The following OSBPL5 variants were observed in gnomAD, a reference collection of about 807,000 sequenced individuals.
OSBPL5 encodes the protein oxysterol-binding protein-related protein 5.
OSBPL5 carries 71 observed loss-of-function variants against 111.2 expected under a neutral mutation model. That is an observed-to-expected ratio of 0.64 (90% confidence interval 0.53 to 0.78). The LOEUF (loss-of-function observed/expected upper bound fraction) is 0.78. OSBPL5 is among the 30% of genes least tolerant of loss of function. The pLI is 0.00. For missense variants in OSBPL5, 1,210 were observed against 1,189.3 expected, an observed-to-expected ratio of 1.02 and a Z score of -0.26; for synonymous variants, 549 against 513.9, an observed-to-expected ratio of 1.07 and a Z score of -0.93.
intron 14 of OSBPL5, among the ~76,000 whole-genome samples, chr11:3,095,687 A>T (rs542948671): frequency 1.8e-4 from 28 of 152,298 alleles, no homozygotes; most frequent in Non-Finnish European, 3.1e-4. Flanking sequence ...AGGGGAAAAA[A>T]ATCATTATTT....
rs1013463129 is a variant in OSBPL5, at chr11:3,142,187, G to A, written c.-21-13018C>T. Among the ~76,000 whole-genome samples, 24 of 152,330 alleles carry A rather than the reference G, an allele frequency of 1.6e-4. No homozygotes were observed. Among genetic ancestry groups the A allele is most frequent in the Middle Eastern group, 3.4e-3 (1 of 294 alleles). On this transcript the variant is annotated intron_variant, in intron 1 of 21. Coordinates refer to ENST00000263650, the MANE Select transcript of OSBPL5 (RefSeq NM_020896.4). The surrounding 1 kb of genome is among the most constrained non-coding windows in gnomAD (Gnocchi z 7.1). ...GCCCTCCTCGGCGTCCCAAAGTGCT[G>A]GGATTACAGGCGTGAGCCACCGTGC... is the stretch of plus-strand genomic sequence containing the variant.
chr11:3,136,029 C>T (rs1221462096), intron 1 of OSBPL5, among the ~76,000 whole-genome samples: 1 of 152,222 alleles, frequency 6.6e-6, no homozygotes, highest in Non-Finnish European at 1.5e-5. Flanking sequence ...GACAAGAGGT[C>T]CCATGTGGTG....
chr11:3,100,634 T>C (rs1005393183), intron 13 of OSBPL5, among the ~76,000 whole-genome samples: 1 of 152,150 alleles, frequency 6.6e-6, no homozygotes, highest in Non-Finnish European at 1.5e-5. Flanking sequence ...CAGGTACTGC[T>C]GGTGAGGAGA....
rs1465811052 is a variant in OSBPL5 at position 3,140,929 on chromosome 11, ACC to A, written c.-21-11762_-21-11761del. Reference sequence around the variant, plus strand: ...CAGGGGGCCCTGGGGCCAGGTGACCACCTCAGAGCCACTCCTTCCCCGATGCC... The same window carrying A: ...CAGGGGGCCCTGGGGCCAGGTGACCATCAGAGCCACTCCTTCCCCGATGCC... On this transcript the variant is annotated intron_variant, in intron 1 of 21. Transcript: ENST00000263650. This position sits in a 1 kb window ranked among gnomAD's most constrained non-coding sequence, Gnocchi z 4.5. Among the ~76,000 whole-genome samples, 1 of 150,646 alleles carries A rather than the reference ACC, an allele frequency of 6.6e-6. No individual in the cohort carries two copies. Among genetic ancestry groups the A allele is most frequent in the Non-Finnish European group, 1.5e-5 (1 of 67,650 alleles).
At chr11:3,128,435 T>C (rs1858710976) in intron 2 of OSBPL5, among the ~76,000 whole-genome samples, 2 of 152,194 alleles carry the variant, frequency 1.3e-5, no homozygotes, top group African/African-American at 4.8e-5. Context: ...GGGCAGGGGT[T>C]GTGCATAGTT....
intron 1 of OSBPL5, among the ~76,000 whole-genome samples, chr11:3,148,895 G>T (rs1360474659): frequency 6.6e-6 from 1 of 152,212 alleles, no homozygotes; most frequent in Non-Finnish European, 1.5e-5. Flanking sequence ...TAAGATAAGG[G>T]GATTAAGACT....
In OSBPL5 at chr11:3,105,727, C is replaced by T. The variant is rs1458236866; in HGVS notation, c.1060-1350G>A. Among the ~76,000 whole-genome samples, 1 of 152,176 alleles carries T rather than the reference C, an allele frequency of 6.6e-6. No homozygotes were observed. Among genetic ancestry groups the T allele is most frequent in the Non-Finnish European group, 1.5e-5 (1 of 68,020 alleles). On this transcript the variant is annotated intron_variant, in intron 9 of 21. Coordinates refer to ENST00000263650, the MANE Select transcript of OSBPL5 (RefSeq NM_020896.4). This position sits in a 1 kb window ranked among gnomAD's most constrained non-coding sequence, Gnocchi z 5.2. Reference sequence around the variant, plus strand: ...CCACCTCTGTGAAGCCTTATCTGTGCTCGGCCTCTGAAGGTTGGGTGCCCG... The same window carrying T: ...CCACCTCTGTGAAGCCTTATCTGTGTTCGGCCTCTGAAGGTTGGGTGCCCG...
chr11:3,154,570 C>T lies in OSBPL5; in HGVS notation c.-22+10646G>A, dbSNP rs187908906. 6.5e-4 allele frequency among the ~76,000 whole-genome samples: 99 copies of T among 152,290 alleles called. 1 individual carries two copies. Among genetic ancestry groups the T allele is most frequent in the Admixed American group, 5.0e-3 (77 of 15,300 alleles). Reference sequence around the variant, plus strand: ...TGCACACACTCATGGGTGCGGAAGGCTCTGATCACATCAAAATCTTACTCC... The same window carrying T: ...TGCACACACTCATGGGTGCGGAAGGTTCTGATCACATCAAAATCTTACTCC... On this transcript the variant is annotated intron_variant, in intron 1 of 21. Transcript: ENST00000263650. The surrounding 1 kb of genome is among the most constrained non-coding windows in gnomAD (Gnocchi z 4.9).
At chr11:3,134,208 C>T (rs548576630) in intron 1 of OSBPL5, among the ~76,000 whole-genome samples, 2 of 152,204 alleles carry the variant, frequency 1.3e-5, no homozygotes, top group Admixed American at 6.5e-5. Flanking sequence ...GATGCTGGGT[C>T]GCCTCGTGGG....
At chr11:3,103,846 CCTT>C (rs1857586598) in intron 10 of OSBPL5, among the ~76,000 whole-genome samples, 6 of 104,620 alleles carry the variant, frequency 5.7e-5, no homozygotes, top group African/African-American at 1.7e-4. Flanking sequence ...CTCTGCAGCC[CCTT>C]TCCAGTCTGC....
intron 7 of OSBPL5, 63 bp from the exon 8 acceptor site, chr11:3,108,008 G>A (rs539463550): frequency 6.4e-7 from 1 of 1,556,612 alleles, no homozygotes; most frequent in African/African-American, 1.3e-5. Flanking sequence ...ATCCCCCAAG[G>A]GGCCACCAGG....
intron 14 of OSBPL5, among the ~76,000 whole-genome samples, chr11:3,095,739 A>G (rs1190143427): frequency 6.6e-6 from 1 of 152,222 alleles, no homozygotes; most frequent in Admixed American, 6.5e-5. Flanking sequence ...AAACAAACCA[A>G]TCCTGTTGGG....
rs533230683 is a variant in OSBPL5 at position 3,093,910 on chromosome 11, C to T, written c.1720-75G>A. ...CCAGAATCACATCCTCATGGGGGCA[C>T]GGAACAGTTATTCTCTTGGGGTGCC... On this transcript the variant is annotated intron_variant, in intron 15 of 21. Coordinates refer to ENST00000263650, the MANE Select transcript of OSBPL5 (RefSeq NM_020896.4). 4.9e-5 allele frequency: 74 copies of T among 1,510,998 alleles called. No homozygotes were observed. In the Middle Eastern group the frequency reaches 5.1e-4, roughly 10 times the overall value. The allele number at this position is 1,510,998 out of a possible 1,614,324, so 93.6% of individuals were successfully genotyped here.
At chr11:3,152,899 G>A (rs990835105) in intron 1 of OSBPL5, among the ~76,000 whole-genome samples, 1 of 152,250 alleles carries the variant, frequency 6.6e-6, no homozygotes, top group East Asian at 1.9e-4. Flanking sequence ...GGTACTTCCC[G>A]GGTCCTCCTG....
At chr11:3,149,131 T>C (rs533424031) in intron 1 of OSBPL5, among the ~76,000 whole-genome samples, 24 of 152,318 alleles carry the variant, frequency 1.6e-4, no homozygotes, top group African/African-American at 5.3e-4. Flanking sequence ...GTCTTAGCAA[T>C]AGCCCTTTCC....
intron 14 of OSBPL5, among the ~76,000 whole-genome samples, chr11:3,096,996 A>G (rs201017907): frequency 0.18 from 707 of 3,902 alleles, no homozygotes; most frequent in Admixed American, 0.21. Context: ...GAGGAGGAGA[A>G]GAGGAAAGAG....
rs925695767 is a variant in OSBPL5, at chr11:3,141,313, C to T, written c.-21-12144G>A. Among the ~76,000 whole-genome samples, 15 of 152,156 alleles carry T rather than the reference C, an allele frequency of 9.9e-5. No homozygotes were observed. Among genetic ancestry groups the T allele is most frequent in the African/African-American group, 3.6e-4 (15 of 41,444 alleles). The stretch of plus-strand genomic sequence containing the variant: ...CGCCTCCTGCTCACCCGGGAACACA[C>T]CCTCGGGTCCAGCATCCTCCCTGTG... On this transcript the variant is annotated intron_variant, in intron 1 of 21. Coordinates refer to ENST00000263650, the MANE Select transcript of OSBPL5 (RefSeq NM_020896.4). The surrounding 1 kb of genome is among the most constrained non-coding windows in gnomAD (Gnocchi z 6.5).
In OSBPL5 at chr11:3,104,121, G is replaced by C; in HGVS notation, c.1244+72C>G. On this transcript the variant is annotated intron_variant, in intron 10 of 21. Transcript: ENST00000263650. This position sits in a 1 kb window ranked among gnomAD's most constrained non-coding sequence, Gnocchi z 5.0. ...GGAAGCCCCCACAGGGCAGGTAGGG[G>C]CTGGGGGTGCTGCAGGGTCTCATGC... 3 of 1,496,936 alleles carry C rather than the reference G, an allele frequency of 2.0e-6. No individual in the cohort carries two copies. The highest frequency in any genetic ancestry group is 2.7e-6 in the Non-Finnish European group (3 of 1,105,320). 92.7% of individuals were successfully genotyped at this position (1,496,936 alleles called of 1,614,324 possible).
At chr11:3,118,449 A>T (rs1274897020) in intron 7 of OSBPL5, among the ~76,000 whole-genome samples, 1 of 152,140 alleles carries the variant, frequency 6.6e-6, no homozygotes, top group Non-Finnish European at 1.5e-5. Context: ...GTGTTGACTG[A>T]TGTCTCATAT....
Sources: allele counts gnomAD v4.1 joint callset (sites outside exome capture counted in the v4.1 genomes callset), GRCh38; gene constraint gnomAD v4.1.1; non-coding constraint Gnocchi (gnomAD v3.1); transcripts MANE v1.5; gene names NCBI Gene and HGNC (gene_info 2026-07-23, HGNC 2026-07-21).